Variants in SLC26A4 observed in about 807,000 individuals in gnomAD.
SLC26A4 encodes the protein solute carrier family 26 member 4, also known as pendrin.
SLC26A4 carries 93 observed loss-of-function variants against 90.4 expected under a neutral mutation model. The observed-to-expected ratio is 1.03, with a 90% CI of 0.87 to 1.22. SLC26A4 has a LOEUF of 1.22. SLC26A4 is among the 50% of genes most tolerant of loss of function. The pLI, the probability that SLC26A4 is intolerant of heterozygous loss-of-function variation, is 0.00. For synonymous variants in SLC26A4, 393 were observed against 354.6 expected, an observed-to-expected ratio of 1.11 and a Z score of -1.22; for missense variants, 1,127 against 946.2, an observed-to-expected ratio of 1.19 and a Z score of -2.51.
chr7:107,663,586 T>A, intron 3 of SLC26A4, 151 bp downstream of exon 3: 1 of 855,580 alleles, frequency 1.2e-6, no homozygotes, highest in Non-Finnish European at 1.9e-6. Flanking sequence ...ACCTCTCTTC[T>A]CCCCTTCCTT....
At chr7:107,669,183 C>T (rs560169328) in intron 3 of SLC26A4, among the ~76,000 whole-genome samples, 4 of 152,236 alleles carry the variant, frequency 2.6e-5, no homozygotes, top group African/African-American at 9.6e-5. Context: ...GTCTTGAACT[C>T]CTGGCCTCAG....
chr7:107,712,665 T>C, intron 20 of SLC26A4, 43 bp downstream of exon 20: 1 of 1,020,304 alleles, frequency 9.8e-7, no homozygotes, highest in Non-Finnish European at 1.6e-6. Context: ...AATTACATTT[T>C]GAATAATTAG....
At chr7:107,663,500 C>A in intron 3 of SLC26A4, 65 bp downstream of exon 3, 1 of 1,573,448 alleles carries the variant, frequency 6.4e-7, no homozygotes, top group Non-Finnish European at 8.7e-7. Flanking sequence ...CCCCAGCTAC[C>A]ATAGGTCTGT....
chr7:107,698,751 C>A (rs1791811077), intron 14 of SLC26A4, among the ~76,000 whole-genome samples: 1 of 152,104 alleles, frequency 6.6e-6, no homozygotes, highest in South Asian at 2.1e-4. Context: ...TTATTCAGTT[C>A]TAACAAGAGA....
Position 107,715,713 on chromosome 7 carries a change from A to G in SLC26A4, c.*267A>G. 1 of 525,754 alleles carries G rather than the reference A, an allele frequency of 1.9e-6. No homozygotes were observed. Among genetic ancestry groups the G allele is most frequent in the Non-Finnish European group, 3.4e-6 (1 of 291,898 alleles). 32.6% of individuals were successfully genotyped at this position (525,754 alleles called of 1,614,324 possible). On this transcript the variant is annotated 3_prime_UTR_variant, in exon 21 of 21. Transcript: ENST00000644269. ...TGCTGATCTACATCACAGATTTGCTAATAATGTTCACGTGGGCCCTGGCAT... is the reference window on the plus strand; with the variant it reads ...TGCTGATCTACATCACAGATTTGCTGATAATGTTCACGTGGGCCCTGGCAT...
chr7:107,715,397 A>G (rs954035086), intron 20 of SLC26A4, 26 bp from the exon 21 acceptor site: 3 of 1,605,900 alleles, frequency 1.9e-6, no homozygotes, highest in African/African-American at 1.3e-5. Flanking sequence ...TTGTATCAAC[A>G]CTTTGTTTTC....
intron 5 of SLC26A4, 62 bp downstream of exon 5, chr7:107,674,410 C>T: frequency 1.6e-6 from 2 of 1,237,842 alleles, no homozygotes; most frequent in Non-Finnish European, 2.4e-6. Context: ...AACTTTAAAG[C>T]ATATAGACTT....
In SLC26A4 at chr7:107,672,211, A is replaced by G; in HGVS notation, c.378A>G (p.Thr126=). The G allele has an allele frequency of 6.2e-7, 1 of 1,610,664 alleles. No homozygotes were observed. The highest frequency in any genetic ancestry group is 8.5e-7 in the Non-Finnish European group (1 of 1,176,950). ...GLYSAFFPIL[T]YFIFGTSRHI... ...ACTCTGCTTTTTTCCCTATCCTGAC[A>G]TACTTTATCTTTGGAACATCAAGAC... The change falls in exon 4 of 21, where the codon ACA becomes ACG. Residue 126 remains threonine (T), a synonymous_variant. Coordinates refer to ENST00000644269, the MANE Select transcript of SLC26A4 (RefSeq NM_000441.2).
chr7:107,689,106 C>G lies in SLC26A4; in HGVS notation c.1055C>G (p.Ala352Gly). The stretch of plus-strand genomic sequence containing the variant: ...AGCTTGTTCTCGGAGATGCTGGCTG[C>G]ATCATTTTCCATCGCTGTGGTGGCT... ...PVSLFSEMLA[A>G]SFSIAVVAYA... Residue 352 changes from alanine to glycine, a missense_variant, in exon 9 of 21, where the codon GCA (alanine) becomes GGA (glycine). Coordinates refer to ENST00000644269, the MANE Select transcript of SLC26A4 (RefSeq NM_000441.2). 1 of 1,613,946 alleles carries G rather than the reference C, an allele frequency of 6.2e-7. No homozygotes were observed. Among genetic ancestry groups the G allele is most frequent in the Non-Finnish European group, 8.5e-7 (1 of 1,179,852 alleles).
In SLC26A4 at chr7:107,661,516, C is replaced by A; in HGVS notation, c.-3-123C>A. 1 of 1,121,962 alleles carries A rather than the reference C, an allele frequency of 8.9e-7. No homozygotes were observed. Among genetic ancestry groups the A allele is most frequent in the Non-Finnish European group, 1.3e-6 (1 of 777,278 alleles). 69.5% of individuals were successfully genotyped at this position (1,121,962 alleles called of 1,614,324 possible). ...AGGGCTGCAGGACGCGGACCAGACT[C>A]GCGGTGCAGGGGGGCCTGGCTGCAG... is the stretch of plus-strand genomic sequence containing the variant. On this transcript the variant is annotated intron_variant, in intron 1 of 20. Transcript: ENST00000644269. The surrounding 1 kb of genome is among the most constrained non-coding windows in gnomAD (Gnocchi z 5.1).
In SLC26A4 at chr7:107,712,585, CAG is replaced by C; in HGVS notation, c.2285_2286del (p.Glu762AlafsTer7). On this transcript the variant is annotated frameshift_variant, in exon 20 of 21. Transcript: ENST00000644269. LOFTEE classifies it high-confidence loss of function. The stretch of plus-strand genomic sequence containing the variant: ...AAAGATACCCTTGAATTAATAGAAA[CAG>C]AGCTGACGGAAGAAGAACTTGATGT... 6.3e-7 allele frequency: 1 copy of C among 1,593,658 alleles called. No homozygotes were observed. Among genetic ancestry groups the C allele is most frequent in the Middle Eastern group, 1.7e-4 (1 of 6,016 alleles).
intron 19 of SLC26A4, among the ~76,000 whole-genome samples, chr7:107,710,828 G>C (rs941781778): frequency 6.6e-6 from 1 of 152,016 alleles, no homozygotes; most frequent in Non-Finnish European, 1.5e-5. Flanking sequence ...TGGTTCATTG[G>C]GCTTGGCCTA....
intron 9 of SLC26A4, among the ~76,000 whole-genome samples, chr7:107,689,770 C>T (rs1372733914): frequency 1.3e-5 from 2 of 152,172 alleles, no homozygotes; most frequent in Non-Finnish European, 2.9e-5. Flanking sequence ...AATAACAGCA[C>T]TGCTAGTCAT....
chr7:107,665,813 C>T (rs1454474128), intron 3 of SLC26A4, among the ~76,000 whole-genome samples: 1 of 151,998 alleles, frequency 6.6e-6, no homozygotes, highest in Non-Finnish European at 1.5e-5. Flanking sequence ...TAAATCTTGC[C>T]CAGGGTCACG....
intron 4 of SLC26A4, among the ~76,000 whole-genome samples, chr7:107,673,252 A>G (rs1790922684): frequency 6.6e-6 from 1 of 152,198 alleles, no homozygotes; most frequent in Non-Finnish European, 1.5e-5. Context: ...TCATGGATAA[A>G]AATAACAGTA....
chr7:107,666,348 A>G (rs1180100283), intron 3 of SLC26A4, among the ~76,000 whole-genome samples: 1 of 152,068 alleles, frequency 6.6e-6, no homozygotes, highest in Non-Finnish European at 1.5e-5. Flanking sequence ...CAGCCTCGCC[A>G]GTAGCTGGAA....
chr7:107,712,620 G>T lies in SLC26A4; in HGVS notation c.2317G>T (p.Glu773Ter). The change falls in exon 20 of 21, where the codon GAG (glutamate) becomes TAG (stop). Residue 773 changes from glutamate to a stop codon, truncating the protein, a stop_gained and splice_region_variant. Coordinates refer to ENST00000644269, the MANE Select transcript of SLC26A4 (RefSeq NM_000441.2). LOFTEE classifies it high-confidence loss of function. ...GGAAGAAGAACTTGATGTCCAGGAT[G>T]AGGTATGATCATTTTCTTCTGAAGA... The part of the protein sequence containing the change: ...LTEEELDVQD[E>*]AMRTLAS The T allele has an allele frequency of 6.7e-7, 1 of 1,503,268 alleles. No homozygotes were observed. Among genetic ancestry groups the T allele is most frequent in the South Asian group, 1.1e-5 (1 of 88,686 alleles). 93.1% of individuals were successfully genotyped at this position (1,503,268 alleles called of 1,614,324 possible). A position where few individuals can be genotyped will look rare whatever the true frequency, so the allele number is the denominator to read the frequency against.
intron 8 of SLC26A4, among the ~76,000 whole-genome samples, 159 bp downstream of exon 8, chr7:107,683,696 T>C (rs1791318941): frequency 1.3e-5 from 2 of 152,200 alleles, no homozygotes; most frequent in African/African-American, 4.8e-5. Context: ...ACAAACAGTA[T>C]GTGTGTAGAT....
intron 6 of SLC26A4, among the ~76,000 whole-genome samples, chr7:107,682,697 C>CA (rs913669318): frequency 2.6e-5 from 4 of 151,254 alleles, no homozygotes; most frequent in East Asian, 1.9e-4. Flanking sequence ...TATACACACA[C>CA]AAAAAAAACA....
Sources: gnomAD v4.1 joint callset for allele counts (sites outside exome capture counted in the v4.1 genomes callset) on GRCh38, gnomAD v4.1.1 for gene constraint, Gnocchi (gnomAD v3.1) non-coding constraint, MANE v1.5 for transcripts, NCBI Gene and HGNC (gene_info 2026-07-23, HGNC 2026-07-21) for gene names.